FAM220A: variants seen among roughly 807,000 people sequenced by gnomAD.
The protein encoded by FAM220A is protein FAM220A.
For missense variants in FAM220A, 392 were observed against 321.6 expected (o/e 1.22, Z -1.68); for synonymous variants, 141 against 130.7 (o/e 1.08, Z -0.54).
chr7:6,345,476 C>T (rs1781935158), intron 1 of FAM220A, among the ~76,000 whole-genome samples: 1 of 151,980 alleles, frequency 6.6e-6, no homozygotes. Flanking sequence ...GCAGATACTA[C>T]AATAGTCCAG....
At chr7:6,345,637 A>AT (rs1781938611) in intron 1 of FAM220A, among the ~76,000 whole-genome samples, 1 of 152,142 alleles carries the variant, frequency 6.6e-6, no homozygotes, top group Non-Finnish European at 1.5e-5. Flanking sequence ...CATTCTTGTG[A>AT]TTTTTACAAA....
intron 1 of FAM220A, among the ~76,000 whole-genome samples, chr7:6,334,244 G>C (rs565939397): frequency 6.6e-6 from 1 of 151,078 alleles, no homozygotes; most frequent in East Asian, 2.0e-4. Flanking sequence ...TTTTTTTAAA[G>C]TTGTTGACTG....
intron 1 of FAM220A, among the ~76,000 whole-genome samples, chr7:6,340,823 C>T (rs1324231740): frequency 2.1e-5 from 3 of 143,224 alleles, no homozygotes; most frequent in South Asian, 2.2e-4. Flanking sequence ...GGCGTGAACC[C>T]GGGAGGCGGA....
At chr7:6,341,819 G>C (rs1781863404) in intron 1 of FAM220A, 1 of 151,916 alleles carries the variant, frequency 6.6e-6, no homozygotes, top group African/African-American at 2.4e-5. Flanking sequence ...CCATCACGGT[G>C]AAACTCTGTC....
chr7:6,334,562 G>A (rs1194238494), intron 1 of FAM220A, among the ~76,000 whole-genome samples: 1 of 151,876 alleles, frequency 6.6e-6, no homozygotes, highest in Non-Finnish European at 1.5e-5. Context: ...CTGCCTCCTG[G>A]GTTCAACAAT....
At chr7:6,342,121 G>C (rs1480157404) in intron 1 of FAM220A, among the ~76,000 whole-genome samples, 2 of 152,154 alleles carry the variant, frequency 1.3e-5, no homozygotes, top group Non-Finnish European at 2.9e-5. Context: ...TGCTGTTCTA[G>C]GTGCTGGTAT....
intron 1 of FAM220A, among the ~76,000 whole-genome samples, chr7:6,335,828 G>T (rs1302973657): frequency 6.6e-6 from 1 of 151,232 alleles, no homozygotes; most frequent in Non-Finnish European, 1.5e-5. Flanking sequence ...TGAGCCCAGG[G>T]GTGTGAGACC....
In FAM220A at chr7:6,331,239, G is replaced by C; in HGVS notation, c.-81-4C>G. On this transcript the variant is annotated splice_region_variant and splice_polypyrimidine_tract_variant and intron_variant, in intron 1 of 1. Coordinates refer to ENST00000313324, the MANE Select transcript of FAM220A (RefSeq NM_001037163.2). The stretch of plus-strand genomic sequence containing the variant: ...TTCAATGGATCTCAATATGAACCTA[G>C]GAAAGGGAATCAAATTAAAGTTCTA... The C allele has an allele frequency of 7.4e-7, 1 of 1,354,234 alleles. No individual in the cohort carries two copies. Among genetic ancestry groups the C allele is most frequent in the Non-Finnish European group, 1.0e-6 (1 of 994,794 alleles). The allele number at this position is 1,354,234 out of a possible 1,614,324, so 83.9% of individuals were successfully genotyped here. A position where few individuals can be genotyped will look rare whatever the true frequency, so the allele number is the denominator to read the frequency against.
Position 6,331,087 on chromosome 7 carries a change from G to C in FAM220A, c.68C>G (p.Ser23Trp), listed in dbSNP as rs775890978. Residue 23 changes from serine to tryptophan, a missense_variant, in exon 2 of 2, where the codon TCG becomes TGG. By Grantham distance (177) the Ser-to-Trp change is radical (BLOSUM62 -3). Coordinates refer to ENST00000313324, the MANE Select transcript of FAM220A (RefSeq NM_001037163.2). ...AQVQQAGGGD[S>W]DKLSCSLKKR... The stretch of plus-strand genomic sequence containing the variant: ...CTTAAGGCTGCATGATAGTTTGTCC[G>C]AGTCACCTCCTCCGGCCTGCTGCAC... 10 of 1,613,468 alleles carry C rather than the reference G, an allele frequency of 6.2e-6. No homozygotes were observed. The highest frequency in any genetic ancestry group is 1.6e-4 in the Middle Eastern group (1 of 6,062).
rs1395503970 is a variant in FAM220A, at chr7:6,330,752, G to A, written c.403C>T (p.Pro135Ser). The A allele has an allele frequency of 1.9e-6, 3 of 1,613,978 alleles. No homozygotes were observed. The highest frequency in any genetic ancestry group is 1.3e-5 in the African/African-American group (1 of 74,904). The change falls in exon 2 of 2, where the codon CCC (proline) becomes TCC (serine). Residue 135 changes from proline to serine, a missense_variant. Physicochemically the swap from Pro to Ser is moderately conservative, Grantham distance 74. Transcript: ENST00000313324. Reference protein sequence around the residue: ...LGRRDWLGGGPRATDGHRGQC... With the variant: ...LGRRDWLGGGSRATDGHRGQC... Reference sequence around the variant, plus strand: ...CCTCTGTGGCCGTCAGTGGCCCTGGGCCCTCCTCCCAGCCAGTCTCGCCGC... The same window carrying A: ...CCTCTGTGGCCGTCAGTGGCCCTGGACCCTCCTCCCAGCCAGTCTCGCCGC...
rs182524020 is a variant in FAM220A at position 6,332,035 on chromosome 7, C to G, written c.-81-800G>C. ...GCTGAGGTGGGAGAATCGCTTGAAC[C>G]CAGGAGGTGGAAGTAGCTGTGAGCC... On this transcript the variant is annotated intron_variant, in intron 1 of 1. Transcript: ENST00000313324. Among the ~76,000 whole-genome samples, 28 of 151,212 alleles carry G rather than the reference C, an allele frequency of 1.9e-4. 1 individual carries two copies. The highest frequency in any genetic ancestry group is 1.7e-3 in the Admixed American group (26 of 15,128).
intron 1 of FAM220A, among the ~76,000 whole-genome samples, chr7:6,342,340 C>T (rs1457225976): frequency 1.3e-5 from 2 of 151,832 alleles, no homozygotes; most frequent in Admixed American, 1.3e-4. Context: ...AGCCCAGGAG[C>T]TGGAGACCAG....
chr7:6,333,310 G>A (rs1476971164), intron 1 of FAM220A, among the ~76,000 whole-genome samples: 1 of 152,132 alleles, frequency 6.6e-6, no homozygotes, highest in Admixed American at 6.6e-5. Flanking sequence ...ATTGGAGCCA[G>A]CCGAGAAGCT....
Position 6,333,846 on chromosome 7 carries a change from T to A in FAM220A, c.-81-2611A>T, listed in dbSNP as rs1239034875. ...GGTCTCGAACTCCTGGCCTCTTTTT[T>A]TTTTTTTTTTTTTTTGAGACAGAGT... On this transcript the variant is annotated intron_variant, in intron 1 of 1. Transcript: ENST00000313324. Among the ~76,000 whole-genome samples, 8 of 148,030 alleles carry A rather than the reference T, an allele frequency of 5.4e-5. No homozygotes were observed. In the East Asian group the frequency reaches 1.4e-3, roughly 26 times the overall value.
At chr7:6,345,385 G>T (rs980723301) in intron 1 of FAM220A, among the ~76,000 whole-genome samples, 1 of 152,058 alleles carries the variant, frequency 6.6e-6, no homozygotes, top group Non-Finnish European at 1.5e-5. Flanking sequence ...AAAGTGCTGG[G>T]ATTATAGGCA....
chr7:6,345,295 G>A (rs1031782245), intron 1 of FAM220A, among the ~76,000 whole-genome samples: 2 of 151,126 alleles, frequency 1.3e-5, no homozygotes, highest in Non-Finnish European at 3.0e-5. Context: ...TTTATTTTTT[G>A]TACAGACTGG....
chr7:6,334,273 C>T (rs140976541), intron 1 of FAM220A, among the ~76,000 whole-genome samples: 3,439 of 151,262 alleles, frequency 0.023, 66 homozygotes, highest in Middle Eastern at 0.051. Context: ...CAGTGGCTCA[C>T]GCCTGTAATC....
At chr7:6,342,810 G>A (rs1224045535) in intron 1 of FAM220A, among the ~76,000 whole-genome samples, 1 of 152,096 alleles carries the variant, frequency 6.6e-6, no homozygotes, top group Admixed American at 6.6e-5. Flanking sequence ...GCTGAGGCAG[G>A]AGGATTAGTT....
chr7:6,347,964 G>A (rs1347115713), intron 1 of FAM220A, among the ~76,000 whole-genome samples: 1 of 150,048 alleles, frequency 6.7e-6, no homozygotes, highest in African/African-American at 2.4e-5. Context: ...AGGCTGGAGC[G>A]CAATGGAGCG....
Sources: allele counts gnomAD v4.1 joint callset (sites outside exome capture counted in the v4.1 genomes callset), GRCh38; gene constraint gnomAD v4.1.1; transcripts MANE v1.5; gene names NCBI Gene and HGNC (gene_info 2026-07-23, HGNC 2026-07-21).